The following PPP1R12A variants were observed in gnomAD, a reference collection of about 807,000 sequenced individuals.
PPP1R12A encodes the protein myosin binding subunit.
PPP1R12A carries 19 observed loss-of-function variants against 139.6 expected under a neutral mutation model. That is an observed-to-expected ratio of 0.14 (90% CI 0.09 to 0.20). PPP1R12A has a LOEUF of 0.20. Among genes scored for constraint, PPP1R12A ranks in the 10% least tolerant of loss-of-function variants. The pLI, the probability that PPP1R12A is intolerant of heterozygous loss-of-function variation, is 1.00. For missense variants in PPP1R12A, 925 were observed against 1,211.5 expected (o/e 0.76, Z 3.51); for synonymous variants, 427 against 420.6 (o/e 1.02, Z -0.19).
intron 1 of PPP1R12A, among the ~76,000 whole-genome samples, chr12:79,906,982 T>C (rs1886181853): frequency 6.6e-6 from 1 of 152,144 alleles, no homozygotes; most frequent in African/African-American, 2.4e-5. Context: ...ATTGTACTGA[T>C]TCTACATAAA....
chr12:79,799,978 G>A (rs1347728292), intron 14 of PPP1R12A, among the ~76,000 whole-genome samples: 7 of 151,992 alleles, frequency 4.6e-5, no homozygotes, highest in Non-Finnish European at 1.0e-4. Flanking sequence ...ACCCCGCAGC[G>A]TGGGTGACAG....
rs2136992476 is a variant in PPP1R12A at position 79,935,023 on chromosome 12, TC to T, written c.-93del. 1 of 1,466,874 alleles carries T rather than the reference TC, an allele frequency of 6.8e-7. No homozygotes were observed. The allele number at this position is 1,466,874 out of a possible 1,614,324, so 90.9% of individuals were successfully genotyped here. On this transcript the variant is annotated 5_prime_UTR_variant, in exon 1 of 25. Coordinates refer to ENST00000450142, the MANE Select transcript of PPP1R12A (RefSeq NM_002480.3). ...GGGAGGCAGGGGGTGTGTGAATGTT[TC>T]TATGAGTGCGGGCCAGAGGAGGGCT...
At chr12:79,794,468 GTTAT>G (rs1259126382) in intron 18 of PPP1R12A, among the ~76,000 whole-genome samples, 3 of 151,816 alleles carry the variant, frequency 2.0e-5, no homozygotes, top group South Asian at 2.1e-4. Context: ...AAATGACAAT[GTTAT>G]TTGTTTCATG....
rs1592684868 is a variant in PPP1R12A, at chr12:79,832,956, T to G, written c.488-465A>C. On this transcript the variant is annotated intron_variant, in intron 3 of 24. Transcript: ENST00000450142. ...ATCTAAAATATATCATACCTTAAAATAGATTATTTCTCTAGCAAACTCCCT... is the reference window on the plus strand; with the variant it reads ...ATCTAAAATATATCATACCTTAAAAGAGATTATTTCTCTAGCAAACTCCCT... 2.0e-5 allele frequency among the ~76,000 whole-genome samples: 3 copies of G among 152,322 alleles called. No individual in the cohort carries two copies. In the South Asian group the frequency reaches 6.2e-4, roughly 32 times the overall value.
intron 1 of PPP1R12A, among the ~76,000 whole-genome samples, chr12:79,896,326 A>G (rs1885128047): frequency 6.6e-6 from 1 of 152,082 alleles, no homozygotes; most frequent in African/African-American, 2.4e-5. Flanking sequence ...CTAAACCAAA[A>G]TAAATTTTAT....
chr12:79,904,445 A>T (rs1225088484), intron 1 of PPP1R12A, among the ~76,000 whole-genome samples: 5 of 152,050 alleles, frequency 3.3e-5, no homozygotes, highest in African/African-American at 1.2e-4. Context: ...TGGTTACTCA[A>T]ATATTACCTC....
chr12:79,842,575 TTGTGTGTGTGTGTGTGTGTG>T lies in PPP1R12A; in HGVS notation c.487+2707_487+2726del, dbSNP rs148792533. 7.6e-5 allele frequency among the ~76,000 whole-genome samples: 11 copies of T among 143,934 alleles called. 1 individual carries two copies. In the East Asian group the frequency reaches 1.2e-3, roughly 16 times the overall value. The allele number at this position is 143,934 out of a possible 152,430, so 94.4% of individuals were successfully genotyped here. On this transcript the variant is annotated intron_variant, in intron 3 of 24. Transcript: ENST00000450142. Reference sequence around the variant, plus strand: ...TATAACAAAAATCACATGTGGCACTTTGTGTGTGTGTGTGTGTGTGTGTGTGTGTGTGTGTGTGTGAGTCC... The same window carrying T: ...TATAACAAAAATCACATGTGGCACTTTGTGTGTGTGTGTGTGTGTGAGTCC...
chr12:79,833,546 C>T (rs1259831463), intron 3 of PPP1R12A, among the ~76,000 whole-genome samples: 1 of 151,736 alleles, frequency 6.6e-6, no homozygotes, highest in Non-Finnish European at 1.5e-5. Context: ...AGATCAGAGC[C>T]AGGTGCGTTG....
At chr12:79,858,912 T>C (rs182965596) in intron 2 of PPP1R12A, among the ~76,000 whole-genome samples, 3 of 152,278 alleles carry the variant, frequency 2.0e-5, no homozygotes, top group African/African-American at 4.8e-5. Context: ...AATCCACTGA[T>C]AGGCTTTCAA....
chr12:79,841,484 C>T (rs1055620148), intron 3 of PPP1R12A, among the ~76,000 whole-genome samples: 1 of 152,106 alleles, frequency 6.6e-6, no homozygotes, highest in Non-Finnish European at 1.5e-5. Flanking sequence ...ATTGTTAACA[C>T]CCAGCACATA....
intron 9 of PPP1R12A, among the ~76,000 whole-genome samples, chr12:79,815,475 C>T (rs189158774): frequency 3.1e-4 from 46 of 150,586 alleles, no homozygotes; most frequent in Admixed American, 1.9e-3. Context: ...GAGCCAAGAT[C>T]GTGCCATTGC....
rs1323038685 is a variant in PPP1R12A, at chr12:79,934,997, G to C, written c.-66C>G. 6.7e-7 allele frequency: 1 copy of C among 1,494,588 alleles called. No individual in the cohort carries two copies. The highest frequency in any genetic ancestry group is 1.3e-5 in the South Asian group (1 of 76,086). 92.6% of individuals were successfully genotyped at this position (1,494,588 alleles called of 1,614,324 possible). A position where few individuals can be genotyped will look rare whatever the true frequency, so the allele number is the denominator to read the frequency against. On this transcript the variant is annotated 5_prime_UTR_variant, in exon 1 of 25. Transcript: ENST00000450142. ...AAGGGGGAGGCGGAGAGGGAAGAGA[G>C]GGGAGGCAGGGGGTGTGTGAATGTT...
chr12:79,884,079 G>A (rs1311974632), intron 1 of PPP1R12A, among the ~76,000 whole-genome samples: 4 of 152,114 alleles, frequency 2.6e-5, no homozygotes, highest in Admixed American at 1.3e-4. Flanking sequence ...ATATAAAGAC[G>A]CAAAGCCAAA....
intron 1 of PPP1R12A, among the ~76,000 whole-genome samples, chr12:79,918,632 A>G (rs542143201): frequency 1.2e-4 from 19 of 152,046 alleles, no homozygotes; most frequent in Non-Finnish European, 2.1e-4. Flanking sequence ...TTTTAAGTCC[A>G]TCTACTATTT....
intron 2 of PPP1R12A, among the ~76,000 whole-genome samples, chr12:79,856,965 A>T (rs558188746): frequency 6.6e-6 from 1 of 152,350 alleles, no homozygotes; most frequent in African/African-American, 2.4e-5. Context: ...GTAGCCAGTT[A>T]AAAGAACTTT....
intron 1 of PPP1R12A, among the ~76,000 whole-genome samples, chr12:79,885,800 T>G (rs139854933): frequency 5.7e-4 from 87 of 152,350 alleles, no homozygotes; most frequent in African/African-American, 2.0e-3. Flanking sequence ...CAAATTAGTT[T>G]GAATTACTTT....
intron 19 of PPP1R12A, 90 bp downstream of exon 19, chr12:79,793,773 C>G (rs1872174049): frequency 9.9e-7 from 1 of 1,012,630 alleles, no homozygotes; most frequent in Non-Finnish European, 1.4e-6. Context: ...GCAATAACTG[C>G]TTTGCATGAA....
intron 8 of PPP1R12A, among the ~76,000 whole-genome samples, chr12:79,818,146 T>C (rs1875637385): frequency 6.6e-6 from 1 of 152,204 alleles, no homozygotes; most frequent in African/African-American, 2.4e-5. Context: ...CCCTAGGTAC[T>C]AGGGATATAT....
intron 1 of PPP1R12A, among the ~76,000 whole-genome samples, chr12:79,891,414 G>A (rs1205055012): frequency 3.3e-5 from 5 of 152,076 alleles, no homozygotes; most frequent in Non-Finnish European, 5.9e-5. Context: ...AAGAAGCAAA[G>A]ATAAAATTGA....
Sources: allele counts gnomAD v4.1 joint callset (sites outside exome capture counted in the v4.1 genomes callset), GRCh38; gene constraint gnomAD v4.1.1; transcripts MANE v1.5; gene names NCBI Gene and HGNC (gene_info 2026-07-23, HGNC 2026-07-21).